The following SNCAIP variants were observed in gnomAD, a reference collection of about 807,000 sequenced individuals.
SNCAIP encodes the protein synuclein alpha interacting protein.
In SNCAIP, 43 loss-of-function variants were observed where a neutral mutation model predicts 86.7. The ratio of observed to expected loss-of-function variants is 0.50; its 90% confidence interval spans 0.39 to 0.64. The LOEUF (loss-of-function observed/expected upper bound fraction) is 0.64, where lower values mean the gene tolerates loss of function less well. SNCAIP is among the 30% of genes least tolerant of loss of function. The pLI, the probability that SNCAIP is intolerant of heterozygous loss-of-function variation, is 0.00. For missense variants in SNCAIP, 981 were observed against 1,103.1 expected (o/e 0.89, Z 1.57); for synonymous variants, 417 against 427.2 (o/e 0.98, Z 0.29).
Position 122,413,524 on chromosome 5 carries a change from A to AT in SNCAIP, c.131-9336dup, listed in dbSNP as rs200367325. Among the ~76,000 whole-genome samples the AT allele has an allele frequency of 5.0e-3, 753 of 152,082 alleles. 6 individuals carry two copies. Among genetic ancestry groups the AT allele is most frequent in the African/African-American group, 0.017 (708 of 41,474 alleles). On this transcript the variant is annotated intron_variant, in intron 3 of 10. Coordinates refer to ENST00000261368, the MANE Select transcript of SNCAIP (RefSeq NM_005460.4). ...TCTTCAAAGCAGTTTACATTAAGTA[A>AT]TTTTTTTTATTTACCTGTGTACTTG...
At chr5:122,336,311 C>T (rs2152708800) in intron 1 of SNCAIP, among the ~76,000 whole-genome samples, 1 of 152,238 alleles carries the variant, frequency 6.6e-6, no homozygotes, top group East Asian at 1.9e-4. Flanking sequence ...ATGGAAGGTA[C>T]TATTGTCCAA....
At chr5:122,413,556 T>C (rs1774597093) in intron 3 of SNCAIP, among the ~76,000 whole-genome samples, 1 of 152,174 alleles carries the variant, frequency 6.6e-6, no homozygotes, top group African/African-American at 2.4e-5. Flanking sequence ...CTTGCATCAT[T>C]GTCTGAGCAG....
chr5:122,321,188 A>T (rs1050113204), intron 1 of SNCAIP: 8 of 152,232 alleles, frequency 5.3e-5, no homozygotes, highest in African/African-American at 1.7e-4. Context: ...AATTTTAATA[A>T]TATATCTTAC....
intron 1 of SNCAIP, among the ~76,000 whole-genome samples, chr5:122,358,766 C>G (rs904278755): frequency 6.6e-6 from 1 of 152,096 alleles, no homozygotes; most frequent in Non-Finnish European, 1.5e-5. Context: ...CTATATCATA[C>G]CGGATTGGCA....
In SNCAIP at chr5:122,457,599, CTT is replaced by C. The variant is rs577597166; in HGVS notation, c.2755-5890_2755-5889del. Among the ~76,000 whole-genome samples the C allele has an allele frequency of 1.6e-3, 250 of 152,282 alleles. 1 individual carries two copies. Among genetic ancestry groups the C allele is most frequent in the African/African-American group, 5.6e-3 (233 of 41,560 alleles). ...GTGTCCCCACCCAACCCCGCCAACT[CTT>C]TCTCTCTCTCTCACTCTCTCTCTCT... On this transcript the variant is annotated intron_variant, in intron 10 of 10. Transcript: ENST00000261368.
intron 3 of SNCAIP, among the ~76,000 whole-genome samples, chr5:122,412,701 C>A (rs1774392580): frequency 2.6e-5 from 4 of 152,164 alleles, no homozygotes; most frequent in Admixed American, 2.6e-4. Flanking sequence ...ATACTCCAGC[C>A]TCCTATTTAA....
intron 1 of SNCAIP, among the ~76,000 whole-genome samples, chr5:122,384,589 G>T (rs930916439): frequency 4.6e-5 from 7 of 152,198 alleles, no homozygotes; most frequent in Non-Finnish European, 1.0e-4. Flanking sequence ...ATCTGTGTGA[G>T]ACTAAGTGAG....
At position 122,425,611 on chromosome 5, in the gene SNCAIP, G is replaced by A. The variant is rs113589466; in HGVS notation, c.1182+80G>A. 788 of 1,181,562 alleles carry A rather than the reference G, an allele frequency of 6.7e-4. 8 individuals carry two copies. The Middle Eastern group carries it at 0.017, about 26-fold the overall frequency. 73.2% of individuals were successfully genotyped at this position (1,181,562 alleles called of 1,614,324 possible). ...AAGATTCCTTGTGAGCTAAAGTGTT[G>A]GAAGGGAGAGAAGAGAGTGATTTGT... On this transcript the variant is annotated intron_variant, in intron 5 of 10. Transcript: ENST00000261368.
At chr5:122,459,594 T>A (rs187050119) in intron 10 of SNCAIP, among the ~76,000 whole-genome samples, 1 of 152,176 alleles carries the variant, frequency 6.6e-6, no homozygotes, top group African/African-American at 2.4e-5. Context: ...CTCAAGTTAA[T>A]ATTTTACTTG....
Position 122,461,994 on chromosome 5 carries a change from T to A in SNCAIP, c.2755-1497T>A, listed in dbSNP as rs370180628. 2.1e-4 allele frequency among the ~76,000 whole-genome samples: 32 copies of A among 152,332 alleles called. 1 individual carries two copies. In the East Asian group the frequency reaches 2.3e-3, roughly 11 times the overall value. The stretch of plus-strand genomic sequence containing the variant: ...TTTATAGAGTTTTATGTGCAAATCT[T>A]ATTTAAATTTTTGCAGTCAAATACA... On this transcript the variant is annotated intron_variant, in intron 10 of 10. Transcript: ENST00000261368.
At chr5:122,349,822 G>A (rs376484095) in intron 1 of SNCAIP, among the ~76,000 whole-genome samples, 6 of 152,204 alleles carry the variant, frequency 3.9e-5, no homozygotes, top group Admixed American at 2.0e-4. Flanking sequence ...GCTTCATCGG[G>A]CCATGATGTT....
intron 1 of SNCAIP, among the ~76,000 whole-genome samples, chr5:122,385,841 C>A (rs544906648): frequency 6.6e-6 from 1 of 152,254 alleles, no homozygotes; most frequent in African/African-American, 2.4e-5. Flanking sequence ...TTTGACAAAT[C>A]CAACTTACTT....
chr5:122,418,702 G>A (rs1240036922), intron 3 of SNCAIP, among the ~76,000 whole-genome samples: 1 of 152,140 alleles, frequency 6.6e-6, no homozygotes, highest in African/African-American at 2.4e-5. Flanking sequence ...AATTTGAAAG[G>A]CCAATAGCAT....
At chr5:122,409,137 G>A (rs141411297) in intron 3 of SNCAIP, among the ~76,000 whole-genome samples, 6 of 152,218 alleles carry the variant, frequency 3.9e-5, no homozygotes, top group Admixed American at 6.5e-5. Context: ...ACTTTTGCAC[G>A]CATTCTCTGC....
rs775593070 is a variant in SNCAIP at position 122,451,537 on chromosome 5, T to A, written c.2690T>A (p.Leu897His). 2.5e-6 allele frequency: 4 copies of A among 1,613,722 alleles called. No homozygotes were observed. The highest frequency in any genetic ancestry group is 3.4e-6 in the Non-Finnish European group (4 of 1,179,978). ...LKTSTLPLTS[L>H]GRKTDAKGNP... The stretch of plus-strand genomic sequence containing the variant: ...ACCTCTACATTGCCCTTGACCTCAC[T>A]TGGGAGGAAGACAGATGCCAAGGGA... Residue 897 changes from leucine (L) to histidine (H), a missense_variant, in exon 10 of 11, where the codon CTT becomes CAT. Coordinates refer to ENST00000261368, the MANE Select transcript of SNCAIP (RefSeq NM_005460.4).
At chr5:122,340,595 T>A (rs776996886) in intron 1 of SNCAIP, among the ~76,000 whole-genome samples, 1 of 152,200 alleles carries the variant, frequency 6.6e-6, no homozygotes, top group Non-Finnish European at 1.5e-5. Context: ...CAAACGAATA[T>A]TTTTCAAAAT....
chr5:122,451,215 A>G lies in SNCAIP; in HGVS notation c.2368A>G (p.Lys790Glu), dbSNP rs780170294. The G allele has an allele frequency of 6.2e-7, 1 of 1,614,142 alleles. No homozygotes were observed. Among genetic ancestry groups the G allele is most frequent in the South Asian group, 1.1e-5 (1 of 91,080 alleles). ...QPSPDSTAAQ[K>E]VATSPKSALK... ...CAGCCCTGACAGTACTGCTGCCCAG[A>G]AAGTTGCCACAAGTCCCAAGAGTGC... The change falls in exon 10 of 11, where the codon AAA becomes GAA. Residue 790 changes from lysine to glutamate, a missense_variant. By Grantham distance (56) the Lys-to-Glu change is moderately conservative (BLOSUM62 1). Coordinates refer to ENST00000261368, the MANE Select transcript of SNCAIP (RefSeq NM_005460.4).
At chr5:122,400,490 C>T (rs1771567670) in intron 2 of SNCAIP, among the ~76,000 whole-genome samples, 1 of 152,156 alleles carries the variant, frequency 6.6e-6, no homozygotes, top group African/African-American at 2.4e-5. Context: ...ATATACAAGT[C>T]AAAAATATCA....
At position 122,359,364 on chromosome 5, in the gene SNCAIP, T is replaced by TATTTATTTATTTATTC. The variant is rs1257327652; in HGVS notation, c.-46-31710_-46-31709insCATTTATTTATTTATT. ...AGATTTTTATTTTTATTTATTTATTTATTTATTTATTTATTTTGAGACAGA... is the reference window on the plus strand; with the variant it reads ...AGATTTTTATTTTTATTTATTTATTTATTTATTTATTTATTCATTTATTTATTTATTTTGAGACAGA... On this transcript the variant is annotated intron_variant, in intron 1 of 10. Transcript: ENST00000261368. Among the ~76,000 whole-genome samples the TATTTATTTATTTATTC allele has an allele frequency of 1.3e-4, 20 of 150,240 alleles. No homozygotes were observed. The South Asian group carries it at 4.0e-3, about 30-fold the overall frequency.
Sources: gnomAD v4.1 joint callset for allele counts (sites outside exome capture counted in the v4.1 genomes callset) on GRCh38, gnomAD v4.1.1 for gene constraint, MANE v1.5 for transcripts, NCBI Gene and HGNC (gene_info 2026-07-23, HGNC 2026-07-21) for gene names.